The following RAB38 variants were observed in gnomAD, a reference collection of about 807,000 sequenced individuals.
RAB38 encodes the protein RAB38, member RAS oncogene family.
A neutral mutation model predicts 18.4 loss-of-function variants in RAB38; 15 were observed. The observed-to-expected ratio is 0.82, with a 90% CI of 0.55 to 1.26. The LOEUF is 1.26. Among genes scored for constraint, RAB38 ranks in the 50% most tolerant of loss-of-function variants. RAB38 has a pLI of 0.00. For missense variants in RAB38, 294 were observed against 267.4 expected (o/e 1.10, Z -0.69); for synonymous variants, 101 against 104.4 (o/e 0.97, Z 0.20).
chr11:88,035,792 G>A, the RAB38 span, among the ~76,000 whole-genome samples: 1 of 152,110 alleles, frequency 6.6e-6, no homozygotes, highest in African/African-American at 2.4e-5. Flanking sequence ...CCTGCTTTAT[G>A]CACTGAAGCA....
chr11:88,036,325 T>C, the RAB38 span, among the ~76,000 whole-genome samples: 1 of 152,196 alleles, frequency 6.6e-6, no homozygotes, highest in Non-Finnish European at 1.5e-5. Flanking sequence ...AGCCAAGATC[T>C]GGGGAAAAAG....
At chr11:87,858,043 C>T in the RAB38 span, among the ~76,000 whole-genome samples, 12 of 152,042 alleles carry the variant, frequency 7.9e-5, no homozygotes, top group East Asian at 1.9e-4. Context: ...TTTTTGTATA[C>T]GGTGTAAGGA....
At chr11:87,878,291 TATCTATCTACCTATC>T in the RAB38 span, among the ~76,000 whole-genome samples, 6 of 143,408 alleles carry the variant, frequency 4.2e-5, no homozygotes, top group African/African-American at 1.0e-4. Flanking sequence ...TCTATCTATC[TATCTATCTACCTATC>T]ATCTATCTAT....
chr11:88,083,180 T>C, the RAB38 span, among the ~76,000 whole-genome samples: 4 of 151,864 alleles, frequency 2.6e-5, no homozygotes, highest in African/African-American at 7.2e-5. Context: ...ATAAAGCCTT[T>C]CTTGAATACC....
the RAB38 span, among the ~76,000 whole-genome samples, chr11:87,886,896 T>C: frequency 2.0e-5 from 3 of 150,780 alleles, no homozygotes; most frequent in African/African-American, 7.3e-5. Flanking sequence ...GTTCAATGGA[T>C]ATATATTGCA....
the RAB38 span, among the ~76,000 whole-genome samples, chr11:88,009,400 C>A: frequency 6.6e-6 from 1 of 152,066 alleles, no homozygotes. Context: ...AGGAAAATAT[C>A]CCATCTATAA....
Position 88,114,130 on chromosome 11 carries a change from T to C in RAB38, c.494A>G (p.Asn165Ser), listed in dbSNP as rs368029630. The C allele has an allele frequency of 2.3e-5, 37 of 1,614,156 alleles. No individual in the cohort carries two copies. In the African/African-American group the frequency reaches 4.3e-4, roughly 19 times the overall value. The change falls in exon 3 of 3, where the codon AAC becomes AGC. Residue 165 changes from asparagine (N) to serine (S), a missense_variant. Transcript: ENST00000243662. ...WFETSAKENI[N>S]IDEASRCLVK... ...CAGGCATCTGGAGGCTTCATCAATG[T>C]TTATATTTTCCTATGAGGGAAAAAA...
At chr11:88,033,442 C>G in the RAB38 span, among the ~76,000 whole-genome samples, 6 of 151,904 alleles carry the variant, frequency 3.9e-5, no homozygotes, top group African/African-American at 1.4e-4. Context: ...ATTGATGAAC[C>G]TTTGATTCCT....
chr11:88,016,479 G>A, the RAB38 span, among the ~76,000 whole-genome samples: 1 of 152,064 alleles, frequency 6.6e-6, no homozygotes, highest in Non-Finnish European at 1.5e-5. Context: ...AACATCTTCT[G>A]ATTAACTTCT....
intron 2 of RAB38, among the ~76,000 whole-genome samples, chr11:88,139,796 A>G (rs563289144): frequency 3.9e-5 from 6 of 152,338 alleles, no homozygotes; most frequent in East Asian, 1.9e-4. Context: ...AACTTTTACA[A>G]GAATCATTGT....
At chr11:87,939,137 A>G in the RAB38 span, among the ~76,000 whole-genome samples, 1 of 152,084 alleles carries the variant, frequency 6.6e-6, no homozygotes, top group South Asian at 2.1e-4. Context: ...TTCTTTCAGG[A>G]ACTCCCCCAT....
At chr11:87,958,691 T>C in the RAB38 span, among the ~76,000 whole-genome samples, 1 of 152,190 alleles carries the variant, frequency 6.6e-6, no homozygotes, top group Admixed American at 6.5e-5. Context: ...AACTGAAAAG[T>C]ATCAAAAGGA....
intron 1 of RAB38, 47 bp downstream of exon 1, chr11:88,175,136 C>A (rs34151721): frequency 6.0e-6 from 9 of 1,502,428 alleles, no homozygotes; most frequent in Admixed American, 2.1e-5. Context: ...GACTGGAAAC[C>A]GGCCGCGAGG....
chr11:88,133,258 T>C (rs1942788535), intron 2 of RAB38, among the ~76,000 whole-genome samples: 1 of 152,156 alleles, frequency 6.6e-6, no homozygotes, highest in Non-Finnish European at 1.5e-5. Flanking sequence ...TGAAAAGTCA[T>C]TCTGTGCTGG....
chr11:87,857,198 A>AT, the RAB38 span, among the ~76,000 whole-genome samples: 4 of 152,092 alleles, frequency 2.6e-5, no homozygotes, highest in Non-Finnish European at 5.9e-5. Context: ...GGAACTCATC[A>AT]TTTTTTATGG....
chr11:87,909,301 G>A, the RAB38 span, among the ~76,000 whole-genome samples: 1 of 147,940 alleles, frequency 6.8e-6, no homozygotes, highest in African/African-American at 2.4e-5. Context: ...CTAAAGCGTG[G>A]TTATATGCCC....
the RAB38 span, among the ~76,000 whole-genome samples, chr11:87,951,702 C>T: frequency 0.093 from 14,119 of 152,160 alleles, 810 homozygotes; most frequent in East Asian, 0.15. Context: ...GCGGAGGCTG[C>T]AGAACAGCGG....
At chr11:87,823,949 A>G in the RAB38 span, among the ~76,000 whole-genome samples, 2 of 152,206 alleles carry the variant, frequency 1.3e-5, no homozygotes, top group East Asian at 1.9e-4. Flanking sequence ...GACACATTCA[A>G]TTTCACATTG....
chr11:88,082,168 G>T, the RAB38 span, among the ~76,000 whole-genome samples: 1 of 151,774 alleles, frequency 6.6e-6, no homozygotes, highest in Non-Finnish European at 1.5e-5. Context: ...TAATAGAATT[G>T]TTTTGGTAGT....
Sources: allele counts gnomAD v4.1 joint callset (sites outside exome capture counted in the v4.1 genomes callset), GRCh38; gene constraint gnomAD v4.1.1; transcripts MANE v1.5; gene names NCBI Gene and HGNC (gene_info 2026-07-23, HGNC 2026-07-21).